RXFP2: variants seen among roughly 807,000 people sequenced by gnomAD.
RXFP2 encodes relaxin receptor 2.
A neutral mutation model predicts 88.6 loss-of-function variants in RXFP2; 68 were observed. The observed-to-expected ratio is 0.77, with a 90% CI of 0.63 to 0.94. RXFP2 has a LOEUF of 0.94. RXFP2 is among the 40% of genes least tolerant of loss of function. The pLI, the probability that RXFP2 is intolerant of heterozygous loss-of-function variation, is 0.00. For synonymous variants in RXFP2, 329 were observed against 306.8 expected, an observed-to-expected ratio of 1.07 and a Z score of -0.76; for missense variants, 791 against 893.9, an observed-to-expected ratio of 0.88 and a Z score of 1.47.
At chr13:31,788,271 G>C (rs893289559) in intron 13 of RXFP2, among the ~76,000 whole-genome samples, 1 of 152,110 alleles carries the variant, frequency 6.6e-6, no homozygotes, top group East Asian at 1.9e-4. Flanking sequence ...GAACTCCTTG[G>C]GCAAAGGAAA....
At chr13:31,752,786 G>C (rs1019429936) in intron 1 of RXFP2, among the ~76,000 whole-genome samples, 2 of 152,206 alleles carry the variant, frequency 1.3e-5, no homozygotes, top group Non-Finnish European at 2.9e-5. Flanking sequence ...GCCCGGGACA[G>C]TGCTGCTGCC....
chr13:31,760,300 G>C (rs750195007), intron 2 of RXFP2, among the ~76,000 whole-genome samples: 1 of 151,918 alleles, frequency 6.6e-6, no homozygotes, highest in African/African-American at 2.4e-5. Flanking sequence ...CATGTTGGCC[G>C]GGCTGGTCTG....
chr13:31,777,757 A>C (rs1293466780), intron 8 of RXFP2, among the ~76,000 whole-genome samples: 1 of 152,108 alleles, frequency 6.6e-6, no homozygotes, highest in Admixed American at 6.5e-5. Flanking sequence ...TAATTTTTAT[A>C]TCCTATGTTT....
chr13:31,774,267 C>T (rs935400759), intron 5 of RXFP2, among the ~76,000 whole-genome samples: 111 of 152,302 alleles, frequency 7.3e-4, no homozygotes, highest in Non-Finnish European at 1.2e-3. Flanking sequence ...GAAGAAAGTT[C>T]AGCAGTGCGA....
intron 17 of RXFP2, 48 bp from the exon 18 acceptor site, chr13:31,802,098 T>C: frequency 6.3e-7 from 1 of 1,577,720 alleles, no homozygotes; most frequent in Non-Finnish European, 8.7e-7. Flanking sequence ...GTATTTTATG[T>C]CTATTTAAAA....
chr13:31,761,778 G>T lies in RXFP2; in HGVS notation c.296G>T (p.Ser99Ile), dbSNP rs1566219907. ...GGCACAGTGCATGGAAATGCTAACA[G>T]CGTGGCCTTAACACAGGAGTGCTGT... is the stretch of plus-strand genomic sequence containing the variant. ...IFGTVHGNAN[S>I]VALTQECFLK... Residue 99 changes from serine (S) to isoleucine (I), a missense_variant, in exon 3 of 18, where the codon AGC becomes ATC. By Grantham distance (142) the Ser-to-Ile change is moderately radical. Coordinates refer to ENST00000298386, the MANE Select transcript of RXFP2 (RefSeq NM_130806.5). The T allele has an allele frequency of 1.2e-6, 2 of 1,612,886 alleles. No individual in the cohort carries two copies. The highest frequency in any genetic ancestry group is 8.5e-7 in the Non-Finnish European group (1 of 1,178,946).
intron 5 of RXFP2, among the ~76,000 whole-genome samples, chr13:31,770,749 G>A (rs1447249228): frequency 6.6e-6 from 1 of 152,002 alleles, no homozygotes; most frequent in Non-Finnish European, 1.5e-5. Context: ...TTTTCATGAA[G>A]CCCTCACTTT....
chr13:31,774,183 G>T (rs1395087002), intron 5 of RXFP2, among the ~76,000 whole-genome samples: 1 of 152,124 alleles, frequency 6.6e-6, no homozygotes, highest in Non-Finnish European at 1.5e-5. Flanking sequence ...ATTAAAGCTT[G>T]CCCTCTCCTT....
At chr13:31,793,199 C>A in intron 16 of RXFP2, 111 bp downstream of exon 16, 1 of 990,640 alleles carries the variant, frequency 1.0e-6, no homozygotes, top group Non-Finnish European at 1.5e-6. Context: ...ATAGTCAAGA[C>A]TGTGTCCTTT....
intron 13 of RXFP2, among the ~76,000 whole-genome samples, chr13:31,787,118 T>G (rs1231994141): frequency 6.6e-6 from 1 of 152,366 alleles, no homozygotes; most frequent in Non-Finnish European, 1.5e-5. Flanking sequence ...TTTTTACATT[T>G]CAACCATATT....
At chr13:31,755,841 A>G (rs1049273273) in intron 1 of RXFP2, among the ~76,000 whole-genome samples, 2 of 152,164 alleles carry the variant, frequency 1.3e-5, no homozygotes, top group African/African-American at 4.8e-5. Flanking sequence ...AGAGAAAATG[A>G]TTTTTGCTTT....
chr13:31,762,725 T>C (rs1013667825), intron 3 of RXFP2, among the ~76,000 whole-genome samples: 4 of 152,200 alleles, frequency 2.6e-5, no homozygotes, highest in African/African-American at 9.7e-5. Flanking sequence ...TTACCACTTA[T>C]ATATTTTATT....
At chr13:31,779,978 A>G (rs907942991) in intron 9 of RXFP2, among the ~76,000 whole-genome samples, 3 of 152,234 alleles carry the variant, frequency 2.0e-5, no homozygotes, top group Admixed American at 2.0e-4. Context: ...GTGAAAAGAA[A>G]ATACTTAGAA....
At chr13:31,771,949 CA>C (rs139695790) in intron 5 of RXFP2, among the ~76,000 whole-genome samples, 11 of 148,484 alleles carry the variant, frequency 7.4e-5, no homozygotes, top group Non-Finnish European at 4.5e-5. Context: ...TTTAGGCATC[CA>C]AAAAAAAACA....
In RXFP2 at chr13:31,745,652, C is replaced by T. The variant is rs556187879; in HGVS notation, c.94+5946C>T. Among the ~76,000 whole-genome samples the T allele has an allele frequency of 9.1e-4, 139 of 152,298 alleles. 1 individual carries two copies. Among genetic ancestry groups the T allele is most frequent in the Admixed American group, 7.9e-4 (12 of 15,276 alleles). On this transcript the variant is annotated intron_variant, in intron 1 of 17. Coordinates refer to ENST00000298386, the MANE Select transcript of RXFP2 (RefSeq NM_130806.5). ...GTTTTACGTCCTCTCGCAACAGTGG[C>T]CTTTTCTGAATTCATGTTCTATGGA... is the stretch of plus-strand genomic sequence containing the variant.
At position 31,802,309 on chromosome 13, in the gene RXFP2, T is replaced by C. The variant is rs2138476766; in HGVS notation, c.2169T>C (p.Ser723=). 1 of 1,611,708 alleles carries C rather than the reference T, an allele frequency of 6.2e-7. No individual in the cohort carries two copies. Among genetic ancestry groups the C allele is most frequent in the East Asian group, 2.2e-5 (1 of 44,874 alleles). The change falls in exon 18 of 18, where the codon TCT becomes TCC. Residue 723 remains serine (S), a synonymous_variant. Transcript: ENST00000298386. ...TCAAAATTAAAAAAAAAAGTTTATC[T>C]ACATCCATTGTGTGGATAGAGGACT... The part of the protein sequence containing the change: ...SIFKIKKKSL[S]TSIVWIEDSS...
rs368901168 is a variant in RXFP2 at position 31,767,860 on chromosome 13, GTA to G, written c.497+1837_497+1838del. Among the ~76,000 whole-genome samples, 208 of 152,242 alleles carry G rather than the reference GTA, an allele frequency of 1.4e-3. 1 individual carries two copies. The highest frequency in any genetic ancestry group is 4.6e-3 in the African/African-American group (190 of 41,558). On this transcript the variant is annotated intron_variant, in intron 5 of 17. Coordinates refer to ENST00000298386, the MANE Select transcript of RXFP2 (RefSeq NM_130806.5). ...GTCCCACCCCATGTAGAATTCCCTT[GTA>G]TATGTTTTGCCCCCTAATCTGGGGC...
chr13:31,801,858 A>AG (rs1209561139), intron 17 of RXFP2, among the ~76,000 whole-genome samples: 2 of 152,072 alleles, frequency 1.3e-5, no homozygotes, highest in Non-Finnish European at 2.9e-5. Context: ...TAAAATAGGA[A>AG]AAAATGCATT....
In RXFP2 at chr13:31,765,890, G is replaced by A. The variant is rs544646222; in HGVS notation, c.426-66G>A. The A allele has an allele frequency of 4.2e-4, 324 of 770,596 alleles. 3 individuals are homozygous for A. In the South Asian group the frequency reaches 4.6e-3, roughly 11 times the overall value. 47.7% of individuals were successfully genotyped at this position (770,596 alleles called of 1,614,324 possible). A position where few individuals can be genotyped will look rare whatever the true frequency, so the allele number is the denominator to read the frequency against. ...CAAATATTCTTTTCCCAAGCATGTG[G>A]CTTCTAGGGAAGAGTGGGTTGGCCA... On this transcript the variant is annotated intron_variant, in intron 4 of 17. Transcript: ENST00000298386.
Sources: gnomAD v4.1 joint callset for allele counts (sites outside exome capture counted in the v4.1 genomes callset) on GRCh38, gnomAD v4.1.1 for gene constraint, MANE v1.5 for transcripts, NCBI Gene and HGNC (gene_info 2026-07-23, HGNC 2026-07-21) for gene names.